SGMS2: variants seen among roughly 807,000 people sequenced by gnomAD.
SGMS2 encodes sphingomyelin synthase 2.
A neutral mutation model predicts 43.8 loss-of-function variants in SGMS2; 21 were observed. The ratio of observed to expected loss-of-function variants is 0.48; its 90% CI spans 0.34 to 0.69. The LOEUF is 0.69. Ranked by LOEUF, SGMS2 falls within the 30% of genes least tolerant of loss-of-function variation. The pLI is 0.01. For missense variants in SGMS2, 384 were observed against 443.2 expected (o/e 0.87, Z 1.20); for synonymous variants, 167 against 160.6 (o/e 1.04, Z -0.30).
intron 2 of SGMS2, among the ~76,000 whole-genome samples, chr4:107,889,220 A>G (rs954625275): frequency 1.3e-5 from 2 of 152,196 alleles, no homozygotes; most frequent in African/African-American, 4.8e-5. Context: ...TATTAAACCA[A>G]TATCAATGTC....
chr4:107,867,914 C>T (rs541474366), intron 2 of SGMS2: 1 of 152,140 alleles, frequency 6.6e-6, no homozygotes, highest in East Asian at 1.9e-4. Context: ...CGAGCACAGG[C>T]TATATAAATT....
At chr4:107,896,768 A>C (rs1435650572) in intron 3 of SGMS2, among the ~76,000 whole-genome samples, 1 of 152,192 alleles carries the variant, frequency 6.6e-6, no homozygotes, top group African/African-American at 2.4e-5. Context: ...AGAATTGGAC[A>C]TAGCCCTGAA....
rs1037873350 is a variant in SGMS2 at position 107,910,781 on chromosome 4, C to T, written c.*228C>T. On this transcript the variant is annotated 3_prime_UTR_variant, in exon 7 of 7. Transcript: ENST00000690982. ...CTCTTCATTCATTGGTGACAAGCCC[C>T]CACCCCGGGACTTTACTAATGAGCT... The T allele has an allele frequency of 1.0e-5, 5 of 500,278 alleles. No individual in the cohort carries two copies. In the South Asian group the frequency reaches 1.1e-4, roughly 11 times the overall value. The allele number at this position is 500,278 out of a possible 1,614,324, so 31.0% of individuals were successfully genotyped here.
intron 1 of SGMS2, among the ~76,000 whole-genome samples, chr4:107,834,217 A>G (rs1726047735): frequency 6.6e-6 from 1 of 152,254 alleles, no homozygotes; most frequent in South Asian, 2.1e-4. Flanking sequence ...TTACAGACAC[A>G]TTAAGTATAG....
intron 5 of SGMS2, among the ~76,000 whole-genome samples, chr4:107,903,996 T>C (rs1731347470): frequency 6.6e-6 from 1 of 152,224 alleles, no homozygotes; most frequent in African/African-American, 2.4e-5. Context: ...TCTTTCTATA[T>C]TTGTATGCTT....
At chr4:107,874,275 TTAGTA>T (rs761357752) in intron 2 of SGMS2, among the ~76,000 whole-genome samples, 3 of 152,136 alleles carry the variant, frequency 2.0e-5, no homozygotes, top group African/African-American at 2.4e-5. Flanking sequence ...GGGCATTACT[TTAGTA>T]GAGTAGGCAA....
At chr4:107,883,804 A>G (rs999034138) in intron 2 of SGMS2, among the ~76,000 whole-genome samples, 3 of 152,208 alleles carry the variant, frequency 2.0e-5, no homozygotes, top group Admixed American at 6.5e-5. Flanking sequence ...GGATAACTGA[A>G]TAAAAATGCC....
Position 107,910,666 on chromosome 4 carries a change from A to G in SGMS2, c.*113A>G. On this transcript the variant is annotated 3_prime_UTR_variant, in exon 7 of 7. Transcript: ENST00000690982. ...GACTGGTAAATGAAGAAATGGACCA[A>G]ATTTTGTGTAAACGATTAGAAAGAT... The G allele has an allele frequency of 1.1e-6, 1 of 934,562 alleles. No individual in the cohort carries two copies. Among genetic ancestry groups the G allele is most frequent in the Admixed American group, 2.8e-5 (1 of 35,430 alleles). The allele number at this position is 934,562 out of a possible 1,614,324, so 57.9% of individuals were successfully genotyped here.
At chr4:107,879,357 C>T (rs1218232351) in intron 2 of SGMS2, among the ~76,000 whole-genome samples, 1 of 152,042 alleles carries the variant, frequency 6.6e-6, no homozygotes, top group African/African-American at 2.4e-5. Flanking sequence ...TAGTGCTCAG[C>T]TGGTAAGTAC....
chr4:107,890,975 C>A (rs1212982808), intron 2 of SGMS2, among the ~76,000 whole-genome samples: 1 of 152,102 alleles, frequency 6.6e-6, no homozygotes, highest in Non-Finnish European at 1.5e-5. Flanking sequence ...AGAACCCTAG[C>A]TATTGAAATG....
chr4:107,913,737 G>T lies in SGMS2; in HGVS notation c.*3184G>T, dbSNP rs1732267520. On this transcript the variant is annotated 3_prime_UTR_variant, in exon 7 of 7. Transcript: ENST00000690982. The stretch of plus-strand genomic sequence containing the variant: ...TTTGTAGAACATTTTTACCTCTCAT[G>T]ATCACAATCATTAGTGTCTCCCTTT... The T allele has an allele frequency of 6.6e-6, 1 of 152,116 alleles. No homozygotes were observed. The highest frequency in any genetic ancestry group is 1.5e-5 in the Non-Finnish European group (1 of 68,008). 9.4% of individuals were successfully genotyped at this position (152,116 alleles called of 1,614,324 possible).
At position 107,909,030 on chromosome 4, in the gene SGMS2, TG is replaced by T. The variant is rs1731863750; in HGVS notation, c.894+300del. Among the ~76,000 whole-genome samples, 5 of 152,234 alleles carry T rather than the reference TG, an allele frequency of 3.3e-5. No homozygotes were observed. In the South Asian group the frequency reaches 1.0e-3, roughly 32 times the overall value. ...TTAGGAACCTTCTCTGTAAAAGCAT[TG>T]TAGTGCAGCTGGGTAAGACATAATC... On this transcript the variant is annotated intron_variant, in intron 6 of 6. Coordinates refer to ENST00000690982, the MANE Select transcript of SGMS2 (RefSeq NM_001375905.1).
rs1437859734 is a variant in SGMS2 at position 107,824,998 on chromosome 4, C to G, written c.-582C>G. 2.0e-5 allele frequency: 3 copies of G among 151,628 alleles called. No homozygotes were observed. The highest frequency in any genetic ancestry group is 7.3e-5 in the African/African-American group (3 of 41,344). The allele number at this position is 151,628 out of a possible 1,614,324, so 9.4% of individuals were successfully genotyped here. ...AGCCCTCGGCGCGCACGGAGCCTGGCCGGTGCTGCAGCGCCGCCGAGTGCG... is the reference window on the plus strand; with the variant it reads ...AGCCCTCGGCGCGCACGGAGCCTGGGCGGTGCTGCAGCGCCGCCGAGTGCG... On this transcript the variant is annotated 5_prime_UTR_variant, in exon 1 of 7. Coordinates refer to ENST00000690982, the MANE Select transcript of SGMS2 (RefSeq NM_001375905.1).
chr4:107,891,712 G>A (rs1211395353), intron 2 of SGMS2, among the ~76,000 whole-genome samples: 2 of 152,118 alleles, frequency 1.3e-5, no homozygotes, highest in East Asian at 3.8e-4. Context: ...GATTTACATA[G>A]GGCATGAAAG....
At chr4:107,887,414 TAA>T (rs1729845482) in intron 2 of SGMS2, among the ~76,000 whole-genome samples, 1 of 152,306 alleles carries the variant, frequency 6.6e-6, no homozygotes, top group African/African-American at 2.4e-5. Context: ...TAATGTACAT[TAA>T]GTCATATCAG....
intron 3 of SGMS2, among the ~76,000 whole-genome samples, chr4:107,897,751 T>A (rs1182383052): frequency 6.6e-6 from 1 of 152,204 alleles, no homozygotes; most frequent in Non-Finnish European, 1.5e-5. Context: ...GTTTGCCTTT[T>A]TACATTTGAA....
chr4:107,908,429 AG>A, intron 5 of SGMS2, 135 bp from the exon 6 acceptor site: 1 of 852,234 alleles, frequency 1.2e-6, no homozygotes, highest in Non-Finnish European at 1.8e-6. Flanking sequence ...ATAGTGACTC[AG>A]TTTAGGTTAT....
intron 1 of SGMS2, among the ~76,000 whole-genome samples, chr4:107,847,288 G>A (rs895416083): frequency 1.3e-5 from 2 of 152,114 alleles, no homozygotes; most frequent in East Asian, 1.9e-4. Flanking sequence ...ATTGATTTTT[G>A]TATAAGGTGT....
At chr4:107,835,901 T>A (rs987621983) in intron 1 of SGMS2, among the ~76,000 whole-genome samples, 7 of 152,120 alleles carry the variant, frequency 4.6e-5, no homozygotes, top group Admixed American at 4.6e-4. Context: ...GTTAACCATC[T>A]CCCAAGAACC....
Sources: allele counts gnomAD v4.1 joint callset (sites outside exome capture counted in the v4.1 genomes callset), GRCh38; gene constraint gnomAD v4.1.1; transcripts MANE v1.5; gene names NCBI Gene and HGNC (gene_info 2026-07-23, HGNC 2026-07-21).